The following SLC7A11 variants were observed in gnomAD, a reference collection of about 807,000 sequenced individuals.
SLC7A11 encodes cystine/glutamate transporter.
A neutral mutation model predicts 54.5 loss-of-function variants in SLC7A11; 35 were observed. That is an observed-to-expected ratio of 0.64 (90% CI 0.49 to 0.85). SLC7A11 has a LOEUF of 0.85. Among genes scored for constraint, SLC7A11 ranks in the 40% least tolerant of loss-of-function variants. The pLI is 0.00. For synonymous variants in SLC7A11, 230 were observed against 225.2 expected (o/e 1.02, Z -0.19); for missense variants, 583 against 618.1 (o/e 0.94, Z 0.60).
chr4:138,239,026 A>G (rs1458994905), intron 1 of SLC7A11, among the ~76,000 whole-genome samples: 1 of 152,196 alleles, frequency 6.6e-6, no homozygotes, highest in Non-Finnish European at 1.5e-5. Flanking sequence ...AATAATTCTA[A>G]AGTAACGAGT....
chr4:138,206,471 C>G (rs902917045), intron 6 of SLC7A11, among the ~76,000 whole-genome samples: 13 of 150,452 alleles, frequency 8.6e-5, no homozygotes, highest in African/African-American at 3.2e-4. Flanking sequence ...AACTTTCAAA[C>G]AACTATTATG....
chr4:138,173,749 G>T (rs577969483), intron 11 of SLC7A11, among the ~76,000 whole-genome samples: 5 of 151,754 alleles, frequency 3.3e-5, no homozygotes, highest in Admixed American at 6.6e-5. Flanking sequence ...GCACAGTCTC[G>T]GTAAATTATA....
At chr4:138,225,289 G>C (rs1737921718) in intron 3 of SLC7A11, among the ~76,000 whole-genome samples, 1 of 150,920 alleles carries the variant, frequency 6.6e-6, no homozygotes, top group African/African-American at 2.4e-5. Flanking sequence ...TTTGTTTTTG[G>C]AAAAAACTCC....
At chr4:138,199,034 C>T (rs1303176989) in intron 6 of SLC7A11, among the ~76,000 whole-genome samples, 1 of 152,054 alleles carries the variant, frequency 6.6e-6, no homozygotes, top group Non-Finnish European at 1.5e-5. Context: ...TTCCAGCTGT[C>T]AGGGATACAG....
intron 6 of SLC7A11, among the ~76,000 whole-genome samples, chr4:138,210,788 C>G (rs1560731051): frequency 6.6e-6 from 1 of 152,066 alleles, no homozygotes; most frequent in African/African-American, 2.4e-5. Context: ...TGCTTATACA[C>G]TGTTGGTGGG....
intron 4 of SLC7A11, among the ~76,000 whole-genome samples, chr4:138,221,037 T>C (rs1039241688): frequency 3.3e-5 from 5 of 152,146 alleles, no homozygotes; most frequent in Admixed American, 1.3e-4. Context: ...AAAATATAAA[T>C]AGTGGAATTC....
chr4:138,191,837 C>G (rs1398921261), intron 6 of SLC7A11, among the ~76,000 whole-genome samples: 1 of 152,018 alleles, frequency 6.6e-6, no homozygotes, highest in Non-Finnish European at 1.5e-5. Flanking sequence ...CTTCCAGATA[C>G]ATTACAGTTA....
intron 1 of SLC7A11, among the ~76,000 whole-genome samples, chr4:138,239,146 T>C (rs999736388): frequency 6.6e-5 from 10 of 152,170 alleles, no homozygotes; most frequent in African/African-American, 2.4e-4. Flanking sequence ...TGGTAGGCTG[T>C]CCAGAAAAGG....
At chr4:138,206,874 C>A (rs1737419975) in intron 6 of SLC7A11, among the ~76,000 whole-genome samples, 4 of 151,704 alleles carry the variant, frequency 2.6e-5, no homozygotes, top group African/African-American at 9.7e-5. Context: ...TTCTCTGTGA[C>A]ATCTGGCCAA....
intron 1 of SLC7A11, among the ~76,000 whole-genome samples, chr4:138,238,921 C>T (rs925156839): frequency 1.3e-4 from 19 of 151,988 alleles, no homozygotes; most frequent in Non-Finnish European, 2.5e-4. Flanking sequence ...ATTTTTAATT[C>T]GAAAACACTC....
intron 6 of SLC7A11, 145 bp downstream of exon 6, chr4:138,214,440 T>C (rs974179461): frequency 1.6e-5 from 6 of 378,198 alleles, no homozygotes; most frequent in Non-Finnish European, 3.0e-5. Context: ...CAAATAAATC[T>C]TATCTAAGAG....
intron 6 of SLC7A11, among the ~76,000 whole-genome samples, chr4:138,201,373 A>G (rs1156605689): frequency 6.6e-6 from 1 of 152,102 alleles, no homozygotes; most frequent in Non-Finnish European, 1.5e-5. Flanking sequence ...CACTTCTATA[A>G]TTTTAAGAGA....
intron 6 of SLC7A11, among the ~76,000 whole-genome samples, chr4:138,203,452 TA>T (rs904931677): frequency 6.6e-5 from 10 of 152,042 alleles, no homozygotes; most frequent in Non-Finnish European, 7.4e-5. Context: ...TCTTTTTCAT[TA>T]AAAAAAGATA....
intron 6 of SLC7A11, among the ~76,000 whole-genome samples, chr4:138,206,380 T>TA (rs1382484637): frequency 2.7e-5 from 3 of 112,304 alleles, no homozygotes; most frequent in Non-Finnish European, 6.2e-5. Flanking sequence ...CTCAATGAGA[T>TA]TTATATATAT....
chr4:138,206,956 A>T (rs1052848528), intron 6 of SLC7A11, among the ~76,000 whole-genome samples: 2 of 146,384 alleles, frequency 1.4e-5, no homozygotes, highest in Admixed American at 1.4e-4. Context: ...ATATTTAAAA[A>T]TGGATTAATC....
chr4:138,185,336 A>T, intron 6 of SLC7A11, 92 bp from the exon 7 acceptor site: 1 of 1,389,698 alleles, frequency 7.2e-7, no homozygotes, highest in Non-Finnish European at 1.0e-6. Context: ...AATGAAGAAT[A>T]TAATGGTATC....
chr4:138,208,899 T>C (rs533363437), intron 6 of SLC7A11, among the ~76,000 whole-genome samples: 2 of 152,200 alleles, frequency 1.3e-5, no homozygotes, highest in Admixed American at 1.3e-4. Context: ...AGAAAGATCA[T>C]GGCAAAATTT....
At chr4:138,207,782 C>A (rs1030399747) in intron 6 of SLC7A11, among the ~76,000 whole-genome samples, 1 of 152,200 alleles carries the variant, frequency 6.6e-6, no homozygotes, top group Admixed American at 6.5e-5. Flanking sequence ...TTCAATTAAC[C>A]TTTATTCTTT....
chr4:138,226,607 G>A (rs1737955472), intron 3 of SLC7A11, among the ~76,000 whole-genome samples: 1 of 151,962 alleles, frequency 6.6e-6, no homozygotes, highest in African/African-American at 2.4e-5. Context: ...GGCTATAACT[G>A]CTGTTTCATC....
Sources: allele counts gnomAD v4.1 joint callset (sites outside exome capture counted in the v4.1 genomes callset), GRCh38; gene constraint gnomAD v4.1.1; transcripts MANE v1.5; gene names NCBI Gene and HGNC (gene_info 2026-07-23, HGNC 2026-07-21).